The following KCND2 variants were observed in gnomAD, a reference collection of about 807,000 sequenced individuals.
KCND2 encodes the protein potassium voltage-gated channel subfamily D member 2, also known as A-type voltage-gated potassium channel KCND2.
In KCND2, 16 loss-of-function variants were observed where a neutral mutation model predicts 54.4. That is an observed-to-expected ratio of 0.29 (90% confidence interval 0.20 to 0.45). KCND2 has a LOEUF of 0.45. Among genes scored for constraint, KCND2 ranks in the 20% least tolerant of loss-of-function variants. KCND2 has a pLI of 1.00. For missense variants in KCND2, 486 were observed against 824.2 expected (o/e 0.59, Z 5.02); for synonymous variants, 317 against 310.7 (o/e 1.02, Z -0.21).
chr7:120,494,664 T>A (rs190968947), intron 1 of KCND2, among the ~76,000 whole-genome samples: 1 of 152,286 alleles, frequency 6.6e-6, no homozygotes, highest in East Asian at 1.9e-4. Context: ...TCCAGATGAT[T>A]TTGTAATCTG....
chr7:120,663,084 T>A, intron 1 of KCND2, among the ~76,000 whole-genome samples: 1 of 152,202 alleles, frequency 6.6e-6, no homozygotes, highest in East Asian at 1.9e-4. Context: ...TGATGTATAG[T>A]ATCATTTGGA....
At position 120,589,294 on chromosome 7, in the gene KCND2, T is replaced by C. The variant is rs193166897; in HGVS notation, c.1116-143609T>C. On this transcript the variant is annotated intron_variant, in intron 1 of 5. Coordinates refer to ENST00000331113, the MANE Select transcript of KCND2 (RefSeq NM_012281.3). Reference sequence around the variant, plus strand: ...TCAAATAAATAGCAGAAGTGAATGATAAGTATGCAAAACACAAGAATAAAT... The same window carrying C: ...TCAAATAAATAGCAGAAGTGAATGACAAGTATGCAAAACACAAGAATAAAT... 1.1e-3 allele frequency among the ~76,000 whole-genome samples: 167 copies of C among 152,328 alleles called. 1 individual carries two copies. The highest frequency in any genetic ancestry group is 3.9e-3 in the African/African-American group (161 of 41,588).
At chr7:120,476,046 GTAGT>G (rs1017326869) in intron 1 of KCND2, among the ~76,000 whole-genome samples, 1 of 152,186 alleles carries the variant, frequency 6.6e-6, no homozygotes, top group African/African-American at 2.4e-5. Context: ...GTTTTAACAT[GTAGT>G]TACTTTGTAA....
intron 1 of KCND2, among the ~76,000 whole-genome samples, chr7:120,587,798 C>T (rs1792619119): frequency 6.6e-6 from 1 of 152,090 alleles, no homozygotes; most frequent in South Asian, 2.1e-4. Context: ...TGTGCTGATG[C>T]ATTTATTCTT....
At chr7:120,688,121 T>C (rs1291172195) in intron 1 of KCND2, among the ~76,000 whole-genome samples, 1 of 152,206 alleles carries the variant, frequency 6.6e-6, no homozygotes, top group Non-Finnish European at 1.5e-5. Flanking sequence ...TGTACAGATA[T>C]ACTCATTCCT....
intron 1 of KCND2, among the ~76,000 whole-genome samples, chr7:120,481,454 G>A (rs1489902100): frequency 6.6e-6 from 1 of 152,106 alleles, no homozygotes; most frequent in Non-Finnish European, 1.5e-5. Flanking sequence ...GAAATACTAG[G>A]TATTATTGAC....
At chr7:120,331,503 CAAAG>C (rs1162469541) in intron 1 of KCND2, among the ~76,000 whole-genome samples, 1 of 151,496 alleles carries the variant, frequency 6.6e-6, no homozygotes, top group Non-Finnish European at 1.5e-5. Flanking sequence ...GGAAAAAAGA[CAAAG>C]AGTGAGAGAG....
At chr7:120,712,601 A>G (rs1463333963) in intron 1 of KCND2, among the ~76,000 whole-genome samples, 2 of 152,084 alleles carry the variant, frequency 1.3e-5, no homozygotes, top group Non-Finnish European at 2.9e-5. Flanking sequence ...TGTAAGAGGA[A>G]TACAAATGAA....
chr7:120,692,322 A>G (rs1223783363), intron 1 of KCND2, among the ~76,000 whole-genome samples: 3 of 152,218 alleles, frequency 2.0e-5, no homozygotes, highest in Non-Finnish European at 4.4e-5. Context: ...AACTTCCAAA[A>G]TGATGGTCCT....
intron 1 of KCND2, among the ~76,000 whole-genome samples, chr7:120,507,816 TAAAC>T (rs1803050622): frequency 6.6e-6 from 1 of 151,884 alleles, no homozygotes; most frequent in Admixed American, 6.6e-5. Flanking sequence ...ACCTGATAAT[TAAAC>T]AACCCATTAA....
chr7:120,451,446 CAATT>C (rs1333693895), intron 1 of KCND2, among the ~76,000 whole-genome samples: 6 of 151,948 alleles, frequency 3.9e-5, no homozygotes, highest in East Asian at 1.9e-4. Context: ...TTCTTATAAA[CAATT>C]AAAACAATAC....
intron 1 of KCND2, among the ~76,000 whole-genome samples, chr7:120,392,152 C>G (rs1424479330): frequency 2.0e-5 from 3 of 152,100 alleles, no homozygotes; most frequent in Non-Finnish European, 1.5e-5. Context: ...GTTTTCCCAG[C>G]ACCCTTTAAT....
At position 120,527,572 on chromosome 7, in the gene KCND2, A is replaced by T. The variant is rs1791791548; in HGVS notation, c.1116-205331A>T. On this transcript the variant is annotated intron_variant, in intron 1 of 5. Transcript: ENST00000331113. ...AGATTTTGTTTTTCCTAAATGCCCAAGTGGTCAGATCCTGCTGCTCGTTCA... is the reference window on the plus strand; with the variant it reads ...AGATTTTGTTTTTCCTAAATGCCCATGTGGTCAGATCCTGCTGCTCGTTCA... 2.6e-5 allele frequency among the ~76,000 whole-genome samples: 4 copies of T among 152,260 alleles called. No homozygotes were observed. The South Asian group carries it at 8.3e-4, about 32-fold the overall frequency.
chr7:120,275,803 G>A, intron 1 of KCND2, 56 bp downstream of exon 1: 3 of 1,557,132 alleles, frequency 1.9e-6, no homozygotes, highest in South Asian at 2.2e-5. Flanking sequence ...GGCGATTGTG[G>A]ACCCATCGAG....
At chr7:120,538,775 G>T (rs1791943318) in intron 1 of KCND2, among the ~76,000 whole-genome samples, 1 of 152,160 alleles carries the variant, frequency 6.6e-6, no homozygotes, top group Non-Finnish European at 1.5e-5. Context: ...GGCCGATATG[G>T]ACCAGGGGGC....
chr7:120,634,671 C>A (rs1793282061), intron 1 of KCND2, among the ~76,000 whole-genome samples: 1 of 152,160 alleles, frequency 6.6e-6, no homozygotes, highest in African/African-American at 2.4e-5. Flanking sequence ...TTGACCATCT[C>A]CTTTCTATCC....
intron 1 of KCND2, among the ~76,000 whole-genome samples, chr7:120,578,664 G>A (rs750468687): frequency 6.6e-5 from 10 of 152,140 alleles, no homozygotes; most frequent in Non-Finnish European, 1.2e-4. Flanking sequence ...AGGAGTTCAA[G>A]ACCAGCCTGG....
intron 1 of KCND2, among the ~76,000 whole-genome samples, chr7:120,569,952 C>G (rs1792342227): frequency 6.6e-6 from 1 of 151,956 alleles, no homozygotes; most frequent in African/African-American, 2.4e-5. Flanking sequence ...GCTAATGATG[C>G]TCAAAACAAA....
rs759474859 is a variant in KCND2, at chr7:120,274,610, TCTTC to T, written c.-17_-14del. On this transcript the variant is annotated 5_prime_UTR_variant, in exon 1 of 6. Coordinates refer to ENST00000331113, the MANE Select transcript of KCND2 (RefSeq NM_012281.3). ...CCCATTGTAGACGCCTCGTTACCCT[TCTTC>T]CTTCCGCTTCAAGTAATCATGGCGG... The T allele has an allele frequency of 1.2e-6, 2 of 1,614,166 alleles. No homozygotes were observed. Among genetic ancestry groups the T allele is most frequent in the Non-Finnish European group, 1.7e-6 (2 of 1,180,028 alleles).
Sources: allele counts gnomAD v4.1 joint callset (sites outside exome capture counted in the v4.1 genomes callset), GRCh38; gene constraint gnomAD v4.1.1; transcripts MANE v1.5; gene names NCBI Gene and HGNC (gene_info 2026-07-23, HGNC 2026-07-21).